TOP3A: variants seen among roughly 807,000 people sequenced by gnomAD.
TOP3A encodes DNA topoisomerase III alpha, also known as DNA topoisomerase 3-alpha.
In TOP3A, 64 loss-of-function variants were observed where a neutral mutation model predicts 111.3. The ratio of observed to expected loss-of-function variants is 0.57; its 90% CI spans 0.47 to 0.71. The LOEUF is 0.71. Among genes scored for constraint, TOP3A ranks in the 30% least tolerant of loss-of-function variants. The pLI, the probability that TOP3A is intolerant of heterozygous loss-of-function variation, is 0.00. For synonymous variants in TOP3A, 484 were observed against 485.1 expected (o/e 1.00, Z 0.03); for missense variants, 1,104 against 1,285.0 (o/e 0.86, Z 2.15).
rs572081229 is a variant in TOP3A at position 18,312,598 on chromosome 17, A to T, written c.180+2001T>A. On this transcript the variant is annotated intron_variant, in intron 1 of 18. Transcript: ENST00000321105. ...GCAATGCCCTGGGTCCAAAATCTGT[A>T]GCTTGCATTACCAACCTAGAAAAGG... 1.7e-5 allele frequency: 3 copies of T among 181,008 alleles called. No homozygotes were observed. In the East Asian group the frequency reaches 3.5e-4, roughly 21 times the overall value. The allele number at this position is 181,008 out of a possible 1,614,324, so 11.2% of individuals were successfully genotyped here.
chr17:18,314,809 G>C lies in TOP3A; in HGVS notation c.-31C>G, dbSNP rs1164376450. The C allele has an allele frequency of 6.8e-7, 1 of 1,480,978 alleles. No individual in the cohort carries two copies. Among genetic ancestry groups the C allele is most frequent in the Non-Finnish European group, 9.0e-7 (1 of 1,112,374 alleles). The allele number at this position is 1,480,978 out of a possible 1,614,324, so 91.7% of individuals were successfully genotyped here. ...GACCTCGCGCCCGGAGCCGCTCCCC[G>C]GCTGCCGGCGCATCCTGGGGAAGCC... is the stretch of plus-strand genomic sequence containing the variant. On this transcript the variant is annotated 5_prime_UTR_variant, in exon 1 of 19. Transcript: ENST00000321105.
At position 18,275,746 on chromosome 17, in the gene TOP3A, C is replaced by T. The variant is rs576565414; in HGVS notation, c.2828-766G>A. The stretch of plus-strand genomic sequence containing the variant: ...TTGGCTCACTGCAAGCTCCGCCTCC[C>T]GGGTTCACGCCATTGTCCTGTCTCA... On this transcript the variant is annotated intron_variant, in intron 18 of 18. Transcript: ENST00000321105. 2.0e-5 allele frequency among the ~76,000 whole-genome samples: 3 copies of T among 151,638 alleles called. No homozygotes were observed. In the East Asian group the frequency reaches 5.8e-4, roughly 29 times the overall value.
rs906185080 is a variant in TOP3A at position 18,274,722 on chromosome 17, C to A, written c.*80G>T. The A allele has an allele frequency of 1.3e-6, 2 of 1,533,960 alleles. No individual in the cohort carries two copies. The highest frequency in any genetic ancestry group is 2.3e-5 in the East Asian group (1 of 44,122). On this transcript the variant is annotated 3_prime_UTR_variant, in exon 19 of 19. Transcript: ENST00000321105. ...TCTAAGTTTCCAGGACACTAAATGG[C>A]CACTTGGTCCTGGTTAACTCATTTC...
intron 5 of TOP3A, among the ~76,000 whole-genome samples, chr17:18,304,761 A>G (rs948286834): frequency 6.6e-6 from 1 of 152,168 alleles, no homozygotes; most frequent in Non-Finnish European, 1.5e-5. Flanking sequence ...AACAACAACA[A>G]CAAAAAGAAT....
intron 3 of TOP3A, among the ~76,000 whole-genome samples, chr17:18,307,829 G>A (rs998055304): frequency 2.0e-5 from 3 of 147,794 alleles, no homozygotes; most frequent in African/African-American, 7.6e-5. Flanking sequence ...AGAATCGCTT[G>A]AACCCAGGAG....
chr17:18,283,231 T>C (rs1979879827), intron 15 of TOP3A, among the ~76,000 whole-genome samples: 2 of 152,044 alleles, frequency 1.3e-5, no homozygotes, highest in Admixed American at 6.6e-5. Flanking sequence ...TAGCCAGGCA[T>C]GGTGGCGCAT....
rs564388683 is a variant in TOP3A, at chr17:18,278,271, A to G, written c.2231T>C (p.Leu744Pro). The change falls in exon 18 of 19, where the codon CTG (leucine) becomes CCG (proline). Residue 744 changes from leucine (L) to proline (P), a missense_variant. Physicochemically the swap from Leu to Pro is moderately conservative, Grantham distance 98. Coordinates refer to ENST00000321105, the MANE Select transcript of TOP3A (RefSeq NM_004618.5). ...VCCIGGCDDT[L>P]REILDLRFSG... ...AAATCTCAGGTCCAGGATCTCCCTC[A>G]GGGTGTCGTCGCATCCGCCGATGCA... is the stretch of plus-strand genomic sequence containing the variant. The G allele has an allele frequency of 6.5e-7, 1 of 1,545,294 alleles. No individual in the cohort carries two copies. The highest frequency in any genetic ancestry group is 1.4e-5 in the African/African-American group (1 of 72,948).
chr17:18,290,339 G>C (rs900099813), intron 13 of TOP3A, among the ~76,000 whole-genome samples: 2 of 152,212 alleles, frequency 1.3e-5, no homozygotes, highest in Non-Finnish European at 2.9e-5. Context: ...CATGGTTTAA[G>C]AGCACTGACT....
In TOP3A at chr17:18,273,251, C is replaced by T. The variant is rs1318979432; in HGVS notation, c.*1551G>A. The T allele has an allele frequency of 6.6e-6, 1 of 152,266 alleles. No individual in the cohort carries two copies. The highest frequency in any genetic ancestry group is 1.5e-5 in the Non-Finnish European group (1 of 68,062). The allele number at this position is 152,266 out of a possible 1,614,324, so 9.4% of individuals were successfully genotyped here. On this transcript the variant is annotated 3_prime_UTR_variant, in exon 19 of 19. Coordinates refer to ENST00000321105, the MANE Select transcript of TOP3A (RefSeq NM_004618.5). ...TGGGCAACTCACACCCACCTCTGCT[C>T]ATCTTCTAAACTGTAAATCAGAGTC...
At position 18,274,578 on chromosome 17, in the gene TOP3A, G is replaced by T; in HGVS notation, c.*224C>A. ...TGCGTGACTTTTCAGCAGTGGCTAT[G>T]GTCACTCCTGAGGCCTGGGAAGAGG... On this transcript the variant is annotated 3_prime_UTR_variant, in exon 19 of 19. Transcript: ENST00000321105. 1 of 601,528 alleles carries T rather than the reference G, an allele frequency of 1.7e-6. No individual in the cohort carries two copies. 37.3% of individuals were successfully genotyped at this position (601,528 alleles called of 1,614,324 possible).
intron 9 of TOP3A, among the ~76,000 whole-genome samples, chr17:18,299,114 T>C (rs1981059896): frequency 6.8e-6 from 1 of 147,098 alleles, no homozygotes; most frequent in African/African-American, 2.5e-5. Context: ...TCTCAAAAAA[T>C]AAAAAATAAA....
intron 9 of TOP3A, among the ~76,000 whole-genome samples, chr17:18,297,135 C>CA (rs1455057204): frequency 5.9e-5 from 9 of 151,800 alleles, no homozygotes; most frequent in South Asian, 2.1e-4. Flanking sequence ...ACAAAAACAA[C>CA]AAAAAAAAGG....
chr17:18,288,898 T>C (rs1980292842), intron 13 of TOP3A, among the ~76,000 whole-genome samples: 1 of 152,236 alleles, frequency 6.6e-6, no homozygotes, highest in Non-Finnish European at 1.5e-5. Flanking sequence ...CCCTGGTGCT[T>C]AGTCCAAGCT....
At position 18,296,448 on chromosome 17, in the gene TOP3A, C is replaced by T. The variant is rs944205557; in HGVS notation, c.991-1663G>A. On this transcript the variant is annotated intron_variant, in intron 9 of 18. Coordinates refer to ENST00000321105, the MANE Select transcript of TOP3A (RefSeq NM_004618.5). ...TACAAAAATTAGCTGGGTGTGGTGG[C>T]GCGCACCTATAGTCCCAGCTACTCA... Among the ~76,000 whole-genome samples, 7 of 152,094 alleles carry T rather than the reference C, an allele frequency of 4.6e-5. No individual in the cohort carries two copies. The East Asian group carries it at 7.7e-4, about 17-fold the overall frequency.
At position 18,274,026 on chromosome 17, in the gene TOP3A, T is replaced by G. The variant is rs553859435; in HGVS notation, c.*776A>C. On this transcript the variant is annotated 3_prime_UTR_variant, in exon 19 of 19. Transcript: ENST00000321105. ...ATCTCAGCTAACTGCAACCTCCGCC[T>G]CCCGGGTTCAAGCAATTCTCCTGCC... The G allele has an allele frequency of 3.9e-4, 60 of 152,272 alleles. No individual in the cohort carries two copies. Among genetic ancestry groups the G allele is most frequent in the African/African-American group, 1.3e-3 (56 of 41,538 alleles). 9.4% of individuals were successfully genotyped at this position (152,272 alleles called of 1,614,324 possible). A position where few individuals can be genotyped will look rare whatever the true frequency, so the allele number is the denominator to read the frequency against.
At chr17:18,280,008 A>G (rs1312572999) in intron 17 of TOP3A, among the ~76,000 whole-genome samples, 2 of 152,102 alleles carry the variant, frequency 1.3e-5, no homozygotes, top group Non-Finnish European at 2.9e-5. Flanking sequence ...AAAAGTGGTC[A>G]GGCATAGTGG....
chr17:18,300,745 G>GGT, intron 8 of TOP3A, among the ~76,000 whole-genome samples: 1 of 151,970 alleles, frequency 6.6e-6, no homozygotes, highest in East Asian at 1.9e-4. Flanking sequence ...AGAAAGATGG[G>GGT]GTTTCACTAT....
chr17:18,286,110 G>C (rs1980077638), intron 13 of TOP3A, among the ~76,000 whole-genome samples: 1 of 151,442 alleles, frequency 6.6e-6, no homozygotes, highest in Non-Finnish European at 1.5e-5. Context: ...TGAGGCAGGA[G>C]AATCACTTGA....
At position 18,274,974 on chromosome 17, in the gene TOP3A, G is replaced by T. The variant is rs1441320893; in HGVS notation, c.2834C>A (p.Ser945Tyr). Reference protein sequence around the residue: ...WVDENTAPGTSGAPSWTGDRG... With the variant: ...WVDENTAPGTYGAPSWTGDRG... ...GTCTCCTGTCCAGGACGGGGCTCCA[G>T]AAGTCCCTGTCGGGAGAGTCAGGGG... is the stretch of plus-strand genomic sequence containing the variant. The change falls in exon 19 of 19, where the codon TCT becomes TAT. Residue 945 changes from serine to tyrosine, a missense_variant. Physicochemically the swap from Ser to Tyr is moderately radical, Grantham distance 144. Coordinates refer to ENST00000321105, the MANE Select transcript of TOP3A (RefSeq NM_004618.5). 6.2e-7 allele frequency: 1 copy of T among 1,613,462 alleles called. No individual in the cohort carries two copies. Among genetic ancestry groups the T allele is most frequent in the Non-Finnish European group, 8.5e-7 (1 of 1,179,798 alleles).
Sources: gnomAD v4.1 joint callset for allele counts (sites outside exome capture counted in the v4.1 genomes callset) on GRCh38, gnomAD v4.1.1 for gene constraint, MANE v1.5 for transcripts, NCBI Gene and HGNC (gene_info 2026-07-23, HGNC 2026-07-21) for gene names.